The following CSGALNACT1 variants were observed in gnomAD, a reference collection of about 807,000 sequenced individuals.
CSGALNACT1 encodes beta4GalNAcT-1.
Under a neutral mutation model 51.0 loss-of-function variants are expected in CSGALNACT1, and 52 were observed. That is an observed-to-expected ratio of 1.02 (90% CI 0.82 to 1.29). CSGALNACT1 has a LOEUF of 1.29. CSGALNACT1 is among the 50% of genes most tolerant of loss of function. The pLI is 0.00. For missense variants in CSGALNACT1, 935 were observed against 679.2 expected, an observed-to-expected ratio of 1.38 and a Z score of -4.19; for synonymous variants, 341 against 254.4, an observed-to-expected ratio of 1.34 and a Z score of -3.24.
intron 1 of CSGALNACT1, among the ~76,000 whole-genome samples, chr8:19,607,521 C>T (rs1414198345): frequency 6.6e-6 from 1 of 152,208 alleles, no homozygotes; most frequent in Non-Finnish European, 1.5e-5. Context: ...CATAGTTACA[C>T]TCCACATGCA....
intron 4 of CSGALNACT1, among the ~76,000 whole-genome samples, chr8:19,467,110 C>CTTTTTT (rs10604359): frequency 1.9e-5 from 1 of 53,290 alleles, no homozygotes; most frequent in African/African-American, 8.6e-5. Flanking sequence ...TAGCAGCTGA[C>CTTTTTT]TTTTTTTTTT....
intron 3 of CSGALNACT1, among the ~76,000 whole-genome samples, chr8:19,545,708 T>C (rs1352668167): frequency 6.6e-6 from 1 of 151,618 alleles, no homozygotes; most frequent in Non-Finnish European, 1.5e-5. Flanking sequence ...TAACTTTTCC[T>C]CCCAAGTCTC....
At chr8:19,484,942 G>T (rs1034029595) in intron 4 of CSGALNACT1, among the ~76,000 whole-genome samples, 1 of 152,104 alleles carries the variant, frequency 6.6e-6, no homozygotes, top group African/African-American at 2.4e-5. Flanking sequence ...GTGAGAGGGG[G>T]TGGTCCTATG....
At chr8:19,463,341 GCCAT>G (rs1235606598) in intron 4 of CSGALNACT1, among the ~76,000 whole-genome samples, 2 of 152,140 alleles carry the variant, frequency 1.3e-5, no homozygotes, top group Non-Finnish European at 2.9e-5. Context: ...GCCATACCCA[GCCAT>G]CCACCCACCA....
intron 1 of CSGALNACT1, among the ~76,000 whole-genome samples, chr8:19,732,120 G>A (rs1337860642): frequency 6.6e-6 from 1 of 152,176 alleles, no homozygotes; most frequent in Non-Finnish European, 1.5e-5. Flanking sequence ...AATCAATCTG[G>A]CTGTAATCAG....
intron 1 of CSGALNACT1, among the ~76,000 whole-genome samples, chr8:19,640,798 T>A (rs1437777558): frequency 6.6e-6 from 1 of 152,056 alleles, no homozygotes; most frequent in Non-Finnish European, 1.5e-5. Context: ...ATTCTACACT[T>A]GAAAAAAGAT....
intron 3 of CSGALNACT1, among the ~76,000 whole-genome samples, chr8:19,564,653 C>G (rs1055494047): frequency 5.1e-4 from 77 of 152,236 alleles, no homozygotes; most frequent in Non-Finnish European, 2.8e-4. Context: ...TCCTTTGTGT[C>G]CAATCAGAAT....
intron 1 of CSGALNACT1, among the ~76,000 whole-genome samples, chr8:19,633,958 G>A (rs958727947): frequency 6.6e-6 from 1 of 152,052 alleles, no homozygotes; most frequent in Non-Finnish European, 1.5e-5. Flanking sequence ...CCCAACCGAG[G>A]GTTCGTGCCT....
At chr8:19,474,883 A>G (rs1336778067) in intron 4 of CSGALNACT1, among the ~76,000 whole-genome samples, 2 of 150,210 alleles carry the variant, frequency 1.3e-5, no homozygotes, top group Middle Eastern at 3.4e-3. Flanking sequence ...AAAAAAAAAA[A>G]AAAGAAAAAA....
intron 5 of CSGALNACT1, among the ~76,000 whole-genome samples, chr8:19,445,714 A>G (rs56897802): frequency 0.015 from 2,230 of 152,334 alleles, 49 homozygotes; most frequent in African/African-American, 0.051. Flanking sequence ...AGTACTTTAC[A>G]AGAATATGAG....
At chr8:19,561,643 G>C (rs1402510297) in intron 3 of CSGALNACT1, among the ~76,000 whole-genome samples, 1 of 152,208 alleles carries the variant, frequency 6.6e-6, no homozygotes, top group Non-Finnish European at 1.5e-5. Context: ...CTTTACAAGG[G>C]GAAAACAAGT....
At chr8:19,477,941 A>G (rs572509816) in intron 4 of CSGALNACT1, among the ~76,000 whole-genome samples, 3 of 152,324 alleles carry the variant, frequency 2.0e-5, no homozygotes, top group South Asian at 4.1e-4. Flanking sequence ...AGACAGTCAA[A>G]TATATTTCAT....
At position 19,461,806 on chromosome 8, in the gene CSGALNACT1, C is replaced by CG. The variant is rs2065561534; in HGVS notation, c.635-3165_635-3164insC. Among the ~76,000 whole-genome samples, 4 of 92,108 alleles carry CG rather than the reference C, an allele frequency of 4.3e-5. 1 individual carries two copies. The Admixed American group carries it at 4.3e-4, about 10-fold the overall frequency. The allele number at this position is 92,108 out of a possible 152,430, so 60.4% of individuals were successfully genotyped here. ...CCACATTCACCATGGAGGGCGTATC[C>CG]CCACAGCAGCCACATTAGCCATGGA... On this transcript the variant is annotated intron_variant, in intron 4 of 9. Coordinates refer to ENST00000454498, the Ensembl canonical transcript of CSGALNACT1.
chr8:19,537,167 A>C (rs1028481390), intron 3 of CSGALNACT1, among the ~76,000 whole-genome samples: 1 of 152,204 alleles, frequency 6.6e-6, no homozygotes, highest in Admixed American at 6.5e-5. Context: ...AGCTCTGGAA[A>C]ACAAGAAATG....
At chr8:19,472,306 G>A (rs891121917) in intron 4 of CSGALNACT1, among the ~76,000 whole-genome samples, 2 of 152,194 alleles carry the variant, frequency 1.3e-5, no homozygotes, top group Non-Finnish European at 2.9e-5. Flanking sequence ...GATACAGGCA[G>A]AAGCAATAAG....
At chr8:19,452,669 G>A (rs13262910) in intron 5 of CSGALNACT1, among the ~76,000 whole-genome samples, 39 of 152,268 alleles carry the variant, frequency 2.6e-4, no homozygotes, top group African/African-American at 9.4e-4. Flanking sequence ...GTGAGCTGGA[G>A]ACGTGAGTAA....
At chr8:19,506,124 A>T in exon 4 of CSGALNACT1, 1 of 604,412 alleles carries the variant, frequency 1.7e-6, no homozygotes, top group Non-Finnish European at 3.1e-6. Context: ...CAACAGCAAG[A>T]GGGGACCTGG....
chr8:19,471,935 C>G (rs1423346039), intron 4 of CSGALNACT1, among the ~76,000 whole-genome samples: 1 of 152,196 alleles, frequency 6.6e-6, no homozygotes, highest in Non-Finnish European at 1.5e-5. Context: ...AGATATCAGG[C>G]TGCTCAAAAC....
chr8:19,470,152 GT>G (rs2067789656), intron 4 of CSGALNACT1, among the ~76,000 whole-genome samples: 1 of 152,150 alleles, frequency 6.6e-6, no homozygotes, highest in Non-Finnish European at 1.5e-5. Flanking sequence ...ACCCCGCAAA[GT>G]ACTTGGTATC....
Sources: allele counts gnomAD v4.1 joint callset (sites outside exome capture counted in the v4.1 genomes callset), GRCh38; gene constraint gnomAD v4.1.1; transcripts MANE v1.5; gene names NCBI Gene and HGNC (gene_info 2026-07-23, HGNC 2026-07-21).